CROCC: variants seen among roughly 807,000 people sequenced by gnomAD.
The protein encoded by CROCC is ciliary rootlet coiled-coil, rootletin, also known as rootletin.
Under a neutral mutation model 245.2 loss-of-function variants are expected in CROCC, and 180 were observed. The observed-to-expected ratio is 0.73, with a 90% confidence interval of 0.65 to 0.83. CROCC has a LOEUF of 0.83. CROCC is among the 40% of genes least tolerant of loss of function. The pLI is 0.00. For synonymous variants in CROCC, 1,205 were observed against 1,241.6 expected, an observed-to-expected ratio of 0.97 and a Z score of 0.62; for missense variants, 2,688 against 2,779.4, an observed-to-expected ratio of 0.97 and a Z score of 0.74.
chr1:16,932,927 C>T (rs2075710471), intron 8 of CROCC, among the ~76,000 whole-genome samples: 1 of 152,290 alleles, frequency 6.6e-6, no homozygotes, highest in African/African-American at 2.4e-5. Context: ...ATCCTCCTAC[C>T]TCAGATCCTG....
At chr1:16,959,402 T>C (rs1432325989) in intron 26 of CROCC, among the ~76,000 whole-genome samples, 1 of 152,222 alleles carries the variant, frequency 6.6e-6, no homozygotes, top group African/African-American at 2.4e-5. Flanking sequence ...TAAGTCTGTC[T>C]GACTCCAAAG....
rs760499436 is a variant in CROCC, at chr1:16,969,208, C to T, written c.5169C>T (p.Ala1723=). Residue 1723 remains alanine, a synonymous_variant, in exon 32 of 37, where the codon GCC becomes GCT. Transcript: ENST00000375541. ...ALAKVEESEG[A]LRDKVRGLTE... is the part of the protein sequence containing the mutation. ...CTAAGGTGGAGGAAAGCGAGGGGGC[C>T]CTGCGGGACAAGGTGCGGGGCCTGA... 2.5e-6 allele frequency: 4 copies of T among 1,610,816 alleles called. No individual in the cohort carries two copies. Among genetic ancestry groups the T allele is most frequent in the Non-Finnish European group, 3.4e-6 (4 of 1,177,842 alleles).
In CROCC at chr1:16,972,687, C is replaced by A; in HGVS notation, c.*241C>A. On this transcript the variant is annotated 3_prime_UTR_variant, in exon 37 of 37. Transcript: ENST00000375541. ...TGAGCCACTGTAGATCATTAAAGTT[C>A]CTCCTTGAGAGGCTGAGCCGTAGCC... is the stretch of plus-strand genomic sequence containing the variant. The A allele has an allele frequency of 2.7e-6, 1 of 375,998 alleles. No individual in the cohort carries two copies. The highest frequency in any genetic ancestry group is 4.8e-6 in the Non-Finnish European group (1 of 209,464). The allele number at this position is 375,998 out of a possible 1,614,324, so 23.3% of individuals were successfully genotyped here. A position where few individuals can be genotyped will look rare whatever the true frequency, so the allele number is the denominator to read the frequency against.
intron 8 of CROCC, among the ~76,000 whole-genome samples, chr1:16,935,159 C>T (rs1377160325): frequency 6.6e-6 from 1 of 152,266 alleles, no homozygotes; most frequent in Non-Finnish European, 1.5e-5. Context: ...CTCAGCTTCG[C>T]AAAGTGCTGG....
In CROCC at chr1:16,930,033, T is replaced by G. The variant is rs2075630964; in HGVS notation, c.537+2T>G. ...CTTGTGCAGCGGCTGCAGGGCAAGG[T>G]CAGGACCACCCACTCCTGCTCCTGT... On this transcript the variant is annotated splice_donor_variant, in intron 4 of 36. Coordinates refer to ENST00000375541, the MANE Select transcript of CROCC (RefSeq NM_014675.5). LOFTEE classifies it high-confidence loss of function. 1 of 1,571,484 alleles carries G rather than the reference T, an allele frequency of 6.4e-7. No homozygotes were observed. Among genetic ancestry groups the G allele is most frequent in the African/African-American group, 1.3e-5 (1 of 74,630 alleles).
chr1:16,964,137 ATTTT>A (rs59284131), intron 27 of CROCC, among the ~76,000 whole-genome samples: 1 of 119,462 alleles, frequency 8.4e-6, no homozygotes, highest in Non-Finnish European at 1.8e-5. Context: ...TTTTTTCTTT[ATTTT>A]TTTTTTTTTT....
At chr1:16,939,507 A>C (rs1465851788) in intron 12 of CROCC, among the ~76,000 whole-genome samples, 1 of 152,120 alleles carries the variant, frequency 6.6e-6, no homozygotes, top group Non-Finnish European at 1.5e-5. Context: ...AGCAAGGGGA[A>C]TCAGAGCTTG....
chr1:16,965,832 G>C lies in CROCC; in HGVS notation c.4515G>C (p.Glu1505Asp). 1 of 1,613,752 alleles carries C rather than the reference G, an allele frequency of 6.2e-7. No individual in the cohort carries two copies. The highest frequency in any genetic ancestry group is 1.1e-5 in the South Asian group (1 of 91,092). Residue 1505 changes from glutamate (E) to aspartate (D), a missense_variant, in exon 28 of 37, where the codon GAG (glutamate) becomes GAC (aspartate). By Grantham distance (45) the Glu-to-Asp change is conservative. Around this residue, in one of 9 missense-constraint regions of CROCC, gnomAD observed 1,218 missense variants for 1,286.3 expected, o/e 0.95. Coordinates refer to ENST00000375541, the MANE Select transcript of CROCC (RefSeq NM_014675.5). ...TSPASPDLDP[E>D]AVRGALREFL... ...CAGCCTCTCCAGACCTGGACCCGGA[G>C]GCAGTGCGCGGGGCCCTCCGGGAAT...
chr1:16,959,743 G>A (rs996232037), intron 26 of CROCC, among the ~76,000 whole-genome samples: 3 of 152,134 alleles, frequency 2.0e-5, no homozygotes, highest in East Asian at 1.9e-4. Context: ...GGGCAAGGGC[G>A]GCAATGTAGC....
chr1:16,971,280 T>C (rs2076514351), intron 35 of CROCC, among the ~76,000 whole-genome samples, 185 bp from the exon 36 acceptor site: 2 of 150,966 alleles, frequency 1.3e-5, no homozygotes, highest in South Asian at 4.2e-4. Flanking sequence ...TGGGGGTCAT[T>C]GGGTGCACTC....
rs769374818 is a variant in CROCC at position 16,931,367 on chromosome 1, T to C, written c.926T>C (p.Leu309Pro). The C allele has an allele frequency of 1.2e-6, 2 of 1,612,302 alleles. No homozygotes were observed. The highest frequency in any genetic ancestry group is 1.7e-6 in the Non-Finnish European group (2 of 1,178,762). ...LWRQVVGFRR[L>P]VSEVKMFTER... ...AGGCAGGTGGTGGGGTTCCGGCGGC[T>C]GGTCAGCGAGGTGAAGATGTTCACT... is the stretch of plus-strand genomic sequence containing the variant. The change falls in exon 8 of 37, where the codon CTG (leucine) becomes CCG (proline). Residue 309 changes from leucine to proline, a missense_variant. Leu to Pro is a moderately conservative substitution (Grantham distance 98, BLOSUM62 -3). Around this residue, in one of 9 missense-constraint regions of CROCC, gnomAD observed 972 missense variants for 895.3 expected, o/e 1.09. Coordinates refer to ENST00000375541, the MANE Select transcript of CROCC (RefSeq NM_014675.5).
rs146661921 is a variant in CROCC, at chr1:16,966,068, G to A, written c.4645G>A (p.Ala1549Thr). 18 of 1,613,784 alleles carry A rather than the reference G, an allele frequency of 1.1e-5. No individual in the cohort carries two copies. The East Asian group carries it at 1.3e-4, about 12-fold the overall frequency. ...LAEMEAERDS[A>T]TSRARQLQKA... is the part of the protein sequence containing the mutation. ...CGAGATGGAGGCTGAGAGGGACAGC[G>A]CAACCTCGAGGGCCAGGCAGCTGCA... Residue 1549 changes from alanine (A) to threonine (T), a missense_variant, in exon 29 of 37, where the codon GCA becomes ACA. Physicochemically the swap from Ala to Thr is moderately conservative, Grantham distance 58. This residue lies in a region of CROCC where 1,218 missense variants were observed against 1,286.3 expected (regional missense o/e 0.95). Coordinates refer to ENST00000375541, the MANE Select transcript of CROCC (RefSeq NM_014675.5). This position sits in a 1 kb window ranked among gnomAD's most constrained non-coding sequence, Gnocchi z 4.8.
rs572901535 is a variant in CROCC at position 16,971,377 on chromosome 1, T to C, written c.5785-88T>C. ...CTGCCTTCCCCCTCTGCACTGGCCG[T>C]GTCCCAGGGAGGTACCTGACAACCC... On this transcript the variant is annotated intron_variant, in intron 35 of 36. Coordinates refer to ENST00000375541, the MANE Select transcript of CROCC (RefSeq NM_014675.5). The C allele has an allele frequency of 4.5e-5, 65 of 1,440,406 alleles. No individual in the cohort carries two copies. In the African/African-American group the frequency reaches 8.2e-4, roughly 18 times the overall value. 89.2% of individuals were successfully genotyped at this position (1,440,406 alleles called of 1,614,324 possible).
chr1:16,966,548 G>A lies in CROCC; in HGVS notation c.4837G>A (p.Glu1613Lys), dbSNP rs753280590. 22 of 1,494,748 alleles carry A rather than the reference G, an allele frequency of 1.5e-5. No homozygotes were observed. The highest frequency in any genetic ancestry group is 1.4e-4 in the Admixed American group (6 of 44,196). 92.6% of individuals were successfully genotyped at this position (1,494,748 alleles called of 1,614,324 possible). A position where few individuals can be genotyped will look rare whatever the true frequency, so the allele number is the denominator to read the frequency against. ...ACTGGAGAGGAGCCTGCAGGCCACCGAGAGCGAGCTCCGGGCCAGCCAGGT... is the reference window on the plus strand; with the variant it reads ...ACTGGAGAGGAGCCTGCAGGCCACCAAGAGCGAGCTCCGGGCCAGCCAGGT... ...ATLERSLQAT[E>K]SELRASQEKI... Residue 1613 changes from glutamate to lysine, a missense_variant, in exon 30 of 37, where the codon GAG (glutamate) becomes AAG (lysine). By Grantham distance (56) the Glu-to-Lys change is moderately conservative. This residue lies in a region of CROCC where 1,218 missense variants were observed against 1,286.3 expected (regional missense o/e 0.95). Transcript: ENST00000375541. The surrounding 1 kb of genome is among the most constrained non-coding windows in gnomAD (Gnocchi z 4.8).
chr1:16,951,787 A>T (rs1277430681), intron 20 of CROCC: 2 of 154,930 alleles, frequency 1.3e-5, no homozygotes, highest in Non-Finnish European at 2.9e-5. Flanking sequence ...GGTGCAGGCT[A>T]TGACTGCATG....
At chr1:16,955,898 G>A in intron 24 of CROCC, 99 bp from the exon 25 acceptor site, 1 of 1,434,286 alleles carries the variant, frequency 7.0e-7, no homozygotes, top group Non-Finnish European at 9.5e-7. Flanking sequence ...TGGGCAGGCA[G>A]TGCCTGATCC....
In CROCC at chr1:16,966,674, T is replaced by C; in HGVS notation, c.4860+103T>C. On this transcript the variant is annotated intron_variant, in intron 30 of 36. Coordinates refer to ENST00000375541, the MANE Select transcript of CROCC (RefSeq NM_014675.5). The surrounding 1 kb of genome is among the most constrained non-coding windows in gnomAD (Gnocchi z 4.8). Reference sequence around the variant, plus strand: ...CCCTGTGTCTGTCTGCCTGAGTCTCTCTGCAACCCACTGAGGTGACCAGCC... The same window carrying C: ...CCCTGTGTCTGTCTGCCTGAGTCTCCCTGCAACCCACTGAGGTGACCAGCC... The C allele has an allele frequency of 7.5e-7, 1 of 1,328,174 alleles. No homozygotes were observed. Among genetic ancestry groups the C allele is most frequent in the Non-Finnish European group, 9.9e-7 (1 of 1,010,866 alleles). The allele number at this position is 1,328,174 out of a possible 1,614,324, so 82.3% of individuals were successfully genotyped here.
Position 16,936,881 on chromosome 1 carries a change from C to A in CROCC, c.1193+8C>A, listed in dbSNP as rs1244555199. 1 of 1,605,658 alleles carries A rather than the reference C, an allele frequency of 6.2e-7. No individual in the cohort carries two copies. Among genetic ancestry groups the A allele is most frequent in the Admixed American group, 1.7e-5 (1 of 59,662 alleles). ...GGCTGACCTCAGTGCCAGGTGGGTA[C>A]CTGGTGGATGCCGCACGAGGCAGGC... On this transcript the variant is annotated splice_region_variant and intron_variant, in intron 9 of 36. Transcript: ENST00000375541.
chr1:16,945,188 G>A (rs865916919), intron 14 of CROCC, among the ~76,000 whole-genome samples: 2 of 152,386 alleles, frequency 1.3e-5, no homozygotes, highest in East Asian at 1.9e-4. Context: ...AGCCAGGATC[G>A]CACCACTGTA....
Sources: allele counts gnomAD v4.1 joint callset (sites outside exome capture counted in the v4.1 genomes callset), GRCh38; gene constraint gnomAD v4.1.1; regional missense constraint gnomAD v4.1.1; non-coding constraint Gnocchi (gnomAD v3.1); transcripts MANE v1.5; gene names NCBI Gene and HGNC (gene_info 2026-07-23, HGNC 2026-07-21).